The following LRCH1 variants were observed in gnomAD, a reference collection of about 807,000 sequenced individuals.
LRCH1 encodes the protein leucine rich repeats and calponin homology domain containing 1, also known as leucine-rich repeat and calponin homology domain-containing protein 1.
A neutral mutation model predicts 94.9 loss-of-function variants in LRCH1; 23 were observed. The ratio of observed to expected loss-of-function variants is 0.24; its 90% confidence interval spans 0.17 to 0.34. LRCH1 has a LOEUF of 0.34. LRCH1 is among the 10% of genes least tolerant of loss of function. The probability of loss-of-function intolerance (pLI) is 1.00; values close to 1 mark genes in which losing one functional copy is unlikely to be tolerated. For missense variants in LRCH1, 790 were observed against 945.9 expected (o/e 0.84, Z 2.16); for synonymous variants, 364 against 354.9 (o/e 1.03, Z -0.29).
At chr13:46,583,810 G>T (rs1285009331) in intron 1 of LRCH1, among the ~76,000 whole-genome samples, 1 of 151,098 alleles carries the variant, frequency 6.6e-6, no homozygotes, top group African/African-American at 2.4e-5. Flanking sequence ...CCCCAGGCTG[G>T]AGTGCAGTGG....
At chr13:46,723,830 CT>C (rs1872695735) in intron 17 of LRCH1, among the ~76,000 whole-genome samples, 1 of 151,558 alleles carries the variant, frequency 6.6e-6, no homozygotes, top group Non-Finnish European at 1.5e-5. Flanking sequence ...TCCAATTGAC[CT>C]TAGTGGAGTT....
Position 46,712,532 on chromosome 13 carries a change from A to G in LRCH1, c.1589A>G (p.Glu530Gly). ...TTCCTTCCAACACCACAGATTAGAG[A>G]GAACTCCCCTGCAGTCTCTCCTACC... ...GSQYSPNEIR[E>G]NSPAVSPTTN... The change falls in exon 15 of 20, where the codon GAG (glutamate) becomes GGG (glycine). Residue 530 changes from glutamate to glycine, a missense_variant. Glu to Gly is a moderately conservative substitution (Grantham distance 98). This residue lies in a region of LRCH1 where 460 missense variants were observed against 508.9 expected (regional missense o/e 0.90). Coordinates refer to ENST00000389797, the MANE Select transcript of LRCH1 (RefSeq NM_001164211.2). The G allele has an allele frequency of 1.2e-6, 2 of 1,613,306 alleles. No individual in the cohort carries two copies. The highest frequency in any genetic ancestry group is 1.7e-5 in the Admixed American group (1 of 60,006).
chr13:46,614,734 CGCCAGACTCA>C (rs2050786052), intron 1 of LRCH1, among the ~76,000 whole-genome samples: 1 of 152,024 alleles, frequency 6.6e-6, no homozygotes, highest in Admixed American at 6.5e-5. Flanking sequence ...TGCCGGGGAG[CGCCAGACTCA>C]GATGAAAGGT....
intron 1 of LRCH1, among the ~76,000 whole-genome samples, chr13:46,584,807 A>G (rs1326929088): frequency 6.6e-6 from 1 of 152,234 alleles, no homozygotes; most frequent in Non-Finnish European, 1.5e-5. Flanking sequence ...CCCACATGCA[A>G]TCGATTAATA....
intron 1 of LRCH1, among the ~76,000 whole-genome samples, chr13:46,568,432 T>C (rs547635256): frequency 6.6e-6 from 1 of 152,330 alleles, no homozygotes; most frequent in East Asian, 1.9e-4. Context: ...TGTGTCAGAT[T>C]GAATCCAGAA....
intron 1 of LRCH1, among the ~76,000 whole-genome samples, chr13:46,638,327 C>T (rs2051117148): frequency 1.3e-5 from 2 of 152,082 alleles, no homozygotes; most frequent in Admixed American, 1.3e-4. Context: ...TTGGATAAAA[C>T]TTGTGGCAAT....
At chr13:46,748,565 C>G (rs1179306753), downstream of LRCH1, among the ~76,000 whole-genome samples, 1 of 152,182 alleles carries the variant, frequency 6.6e-6, no homozygotes, top group East Asian at 1.9e-4. Flanking sequence ...AGGCTGGACA[C>G]TGTCATCAGG....
intron 2 of LRCH1, among the ~76,000 whole-genome samples, chr13:46,662,446 T>C (rs2051461047): frequency 6.6e-6 from 1 of 152,212 alleles, no homozygotes; most frequent in South Asian, 2.1e-4. Flanking sequence ...TGGTATTACA[T>C]ATTGAGTTCT....
chr13:46,661,032 A>G (rs909189941), intron 2 of LRCH1, among the ~76,000 whole-genome samples: 3 of 152,068 alleles, frequency 2.0e-5, no homozygotes, highest in African/African-American at 7.2e-5. Context: ...CCTTTCCTCC[A>G]TTCATTTTTA....
rs1001387435 is a variant in LRCH1, at chr13:46,628,662, A to G, written c.308-21539A>G. Among the ~76,000 whole-genome samples, 11 of 144,672 alleles carry G rather than the reference A, an allele frequency of 7.6e-5. 1 individual carries two copies. In the East Asian group the frequency reaches 2.2e-3, roughly 29 times the overall value. The allele number at this position is 144,672 out of a possible 152,430, so 94.9% of individuals were successfully genotyped here. A position where few individuals can be genotyped will look rare whatever the true frequency, so the allele number is the denominator to read the frequency against. On this transcript the variant is annotated intron_variant, in intron 1 of 19. Coordinates refer to ENST00000389797, the MANE Select transcript of LRCH1 (RefSeq NM_001164211.2). The stretch of plus-strand genomic sequence containing the variant: ...ACAGAGCGATTCTCTGTCTCAGGGA[A>G]GAAAAAAAAAAAAAAAACACAAGGC...
chr13:46,556,411 A>G (rs758068477), intron 1 of LRCH1, among the ~76,000 whole-genome samples: 1 of 152,236 alleles, frequency 6.6e-6, no homozygotes, highest in African/African-American at 2.4e-5. Context: ...CTATTAATTT[A>G]CTTCTATTTG....
chr13:46,644,842 A>C (rs1187898656), intron 1 of LRCH1, among the ~76,000 whole-genome samples: 1 of 152,250 alleles, frequency 6.6e-6, no homozygotes, highest in Non-Finnish European at 1.5e-5. Context: ...ATCCTAAAAA[A>C]GTACATATAG....
intron 3 of LRCH1, among the ~76,000 whole-genome samples, chr13:46,669,612 T>C (rs772070411): frequency 6.6e-6 from 1 of 152,184 alleles, no homozygotes; most frequent in Non-Finnish European, 1.5e-5. Context: ...TCGTTGTAAT[T>C]TTAAAATGTG....
chr13:46,699,395 T>C lies in LRCH1; in HGVS notation c.1305T>C (p.Thr435=). The C allele has an allele frequency of 3.7e-6, 6 of 1,613,930 alleles. No homozygotes were observed. The highest frequency in any genetic ancestry group is 5.1e-6 in the Non-Finnish European group (6 of 1,179,782). The stretch of plus-strand genomic sequence containing the variant: ...TAGAAGAGGATGTGCACTGGCAAAC[T>C]GAGGGCATGTGAGTGCCGAGGCCTT... ...LRIEEDVHWQ[T]EGIISSSKDQ... Residue 435 remains threonine (T), a synonymous_variant, in exon 10 of 20, where the codon ACT becomes ACC. Transcript: ENST00000389797.
At chr13:46,676,803 G>C (rs1221685432) in intron 3 of LRCH1, among the ~76,000 whole-genome samples, 1 of 151,980 alleles carries the variant, frequency 6.6e-6, no homozygotes, top group Non-Finnish European at 1.5e-5. Flanking sequence ...TTTGAGACAG[G>C]GTCTTACTGT....
chr13:46,693,364 A>G (rs9526219), intron 8 of LRCH1, among the ~76,000 whole-genome samples: 113,882 of 151,516 alleles, frequency 0.75, 42,941 homozygotes, highest in East Asian at 0.92. Flanking sequence ...AGGCCTTCCA[A>G]AACTTTCATG....
At chr13:46,703,259 C>T (rs1481581039) in intron 11 of LRCH1, among the ~76,000 whole-genome samples, 2 of 152,118 alleles carry the variant, frequency 1.3e-5, no homozygotes, top group African/African-American at 2.4e-5. Flanking sequence ...AGTAGTGTGG[C>T]TTGTAGAAAG....
chr13:46,689,159 G>A lies in LRCH1; in HGVS notation c.977G>A (p.Gly326Glu). 1.2e-6 allele frequency: 2 copies of A among 1,611,160 alleles called. No homozygotes were observed. Among genetic ancestry groups the A allele is most frequent in the Non-Finnish European group, 1.7e-6 (2 of 1,178,472 alleles). ...AAGAAGGATTCTGATTCGGGAGTTG[G>A]AAGTGATAATGGAGATAAGCGATTA... ...DGKKDSDSGVGSDNGDKRLSA... is the reference protein window; with the variant it reads ...DGKKDSDSGVESDNGDKRLSA... The change falls in exon 7 of 20, where the codon GGA (glycine) becomes GAA (glutamate). Residue 326 changes from glycine to glutamate, a missense_variant. Coordinates refer to ENST00000389797, the MANE Select transcript of LRCH1 (RefSeq NM_001164211.2).
At chr13:46,557,313 G>T (rs2050076845) in intron 1 of LRCH1, among the ~76,000 whole-genome samples, 1 of 151,754 alleles carries the variant, frequency 6.6e-6, no homozygotes. Flanking sequence ...AAATAAAAAA[G>T]AAGCCCTTAG....
Sources: gnomAD v4.1 joint callset for allele counts (sites outside exome capture counted in the v4.1 genomes callset) on GRCh38, gnomAD v4.1.1 for gene constraint, gnomAD v4.1.1 regional missense constraint, MANE v1.5 for transcripts, NCBI Gene and HGNC (gene_info 2026-07-23, HGNC 2026-07-21) for gene names.